ANKIB1: variants seen among roughly 807,000 people sequenced by gnomAD.
ANKIB1 encodes ankyrin repeat and IBR domain containing 1, also known as ankyrin repeat and IBR domain-containing protein 1.
A neutral mutation model predicts 122.1 loss-of-function variants in ANKIB1; 43 were observed. The ratio of observed to expected loss-of-function variants is 0.35; its 90% CI spans 0.28 to 0.45. ANKIB1 has a LOEUF of 0.45. Among genes scored for constraint, ANKIB1 ranks in the 20% least tolerant of loss-of-function variants. ANKIB1 has a pLI of 1.00. For synonymous variants in ANKIB1, 390 were observed against 442.0 expected (o/e 0.88, Z 1.48); for missense variants, 992 against 1,329.5 (o/e 0.75, Z 3.95).
intron 1 of ANKIB1, among the ~76,000 whole-genome samples, chr7:92,249,871 C>CA (rs1491403911): frequency 6.6e-5 from 10 of 152,162 alleles, no homozygotes; most frequent in Admixed American, 5.9e-4. Context: ...TCTCCCCCCC[C>CA]ACACGCGAAT....
rs183790002 is a variant in ANKIB1 at position 92,330,241 on chromosome 7, A to G, written c.787+2341A>G. Among the ~76,000 whole-genome samples the G allele has an allele frequency of 3.7e-3, 560 of 152,312 alleles. 1 individual carries two copies. Among genetic ancestry groups the G allele is most frequent in the Non-Finnish European group, 5.8e-3 (392 of 68,036 alleles). On this transcript the variant is annotated intron_variant, in intron 5 of 19. Coordinates refer to ENST00000265742, the MANE Select transcript of ANKIB1 (RefSeq NM_019004.2). ...AATGGAATATTACAATATTGTAATT[A>G]CAATCTCTTTATTTGCTTCTTTTCC...
In ANKIB1 at chr7:92,372,549, T is replaced by C. The variant is rs368365559; in HGVS notation, c.1617+942T>C. Among the ~76,000 whole-genome samples the C allele has an allele frequency of 3.2e-4, 48 of 152,256 alleles. 1 individual carries two copies. The highest frequency in any genetic ancestry group is 9.9e-4 in the African/African-American group (41 of 41,554). ...AGACTTTAGGTCTGCTAATAAAACC[T>C]TCAATTAAATAAGTAACTGTTTATT... is the stretch of plus-strand genomic sequence containing the variant. On this transcript the variant is annotated intron_variant, in intron 11 of 19. Coordinates refer to ENST00000265742, the MANE Select transcript of ANKIB1 (RefSeq NM_019004.2).
At chr7:92,386,452 GA>G in intron 11 of ANKIB1, 56 bp from the exon 12 acceptor site, 1 of 1,488,486 alleles carries the variant, frequency 6.7e-7, no homozygotes, top group Non-Finnish European at 8.9e-7. Context: ...CTATAAAGCA[GA>G]AAATAATTTG....
At chr7:92,288,804 G>A (rs975011021) in intron 1 of ANKIB1, among the ~76,000 whole-genome samples, 2 of 151,682 alleles carry the variant, frequency 1.3e-5, no homozygotes, top group Non-Finnish European at 2.9e-5. Flanking sequence ...AATGAAAACC[G>A]TTGTACAATA....
chr7:92,353,733 T>C (rs1438853760), intron 9 of ANKIB1, among the ~76,000 whole-genome samples: 3 of 152,224 alleles, frequency 2.0e-5, no homozygotes, highest in Non-Finnish European at 1.5e-5. Flanking sequence ...TGTCTATACT[T>C]ATTATTAAAC....
chr7:92,259,213 T>A lies in ANKIB1; in HGVS notation c.-91+12694T>A, dbSNP rs1801510897. 2.0e-5 allele frequency among the ~76,000 whole-genome samples: 3 copies of A among 152,042 alleles called. 1 individual carries two copies. The highest frequency in any genetic ancestry group is 4.4e-5 in the Non-Finnish European group (3 of 67,994). Reference sequence around the variant, plus strand: ...TCAAGTGAGCCACCTGCCTCAGCCTTCCAAAGTGCTGGGATTACAGGCGTG... The same window carrying A: ...TCAAGTGAGCCACCTGCCTCAGCCTACCAAAGTGCTGGGATTACAGGCGTG... On this transcript the variant is annotated intron_variant, in intron 1 of 19. Transcript: ENST00000265742.
intron 5 of ANKIB1, among the ~76,000 whole-genome samples, chr7:92,335,788 G>C (rs545550149): frequency 2.8e-4 from 43 of 151,786 alleles, no homozygotes; most frequent in Non-Finnish European, 4.3e-4. Context: ...GTTGGATTTA[G>C]GTCTTCCATT....
At chr7:92,344,193 GTTTTTT>G (rs67933063) in intron 6 of ANKIB1, among the ~76,000 whole-genome samples, 4 of 97,676 alleles carry the variant, frequency 4.1e-5, no homozygotes, top group South Asian at 3.5e-4. Context: ...TGTGTTTTTG[GTTTTTT>G]TTTTTTTTTT....
At chr7:92,303,707 A>G (rs1026659742) in intron 2 of ANKIB1, among the ~76,000 whole-genome samples, 1 of 152,190 alleles carries the variant, frequency 6.6e-6, no homozygotes, top group Non-Finnish European at 1.5e-5. Flanking sequence ...GGTAATAGAA[A>G]GGTCAGGAGG....
chr7:92,293,169 A>G (rs1034013392), intron 1 of ANKIB1, among the ~76,000 whole-genome samples: 11 of 152,132 alleles, frequency 7.2e-5, no homozygotes, highest in Non-Finnish European at 2.9e-5. Flanking sequence ...TGAAAATCAC[A>G]TAAGGAGCTT....
At chr7:92,366,597 T>C (rs950752282) in intron 10 of ANKIB1, among the ~76,000 whole-genome samples, 1 of 152,202 alleles carries the variant, frequency 6.6e-6, no homozygotes, top group Admixed American at 6.5e-5. Flanking sequence ...CAGTCTTTTG[T>C]CTCCTATCAT....
chr7:92,358,605 T>TTC (rs1554345741), intron 9 of ANKIB1, among the ~76,000 whole-genome samples: 18 of 150,924 alleles, frequency 1.2e-4, no homozygotes, highest in Non-Finnish European at 2.1e-4. Context: ...TTTTTTTTTT[T>TTC]CCCAGAACAT....
At chr7:92,289,641 G>A (rs1802206224) in intron 1 of ANKIB1, among the ~76,000 whole-genome samples, 1 of 152,206 alleles carries the variant, frequency 6.6e-6, no homozygotes, top group Non-Finnish European at 1.5e-5. Flanking sequence ...CTTAAGACCA[G>A]TTGAAATCAT....
intron 1 of ANKIB1, among the ~76,000 whole-genome samples, chr7:92,291,982 A>C (rs1802260115): frequency 6.6e-6 from 1 of 152,218 alleles, no homozygotes; most frequent in African/African-American, 2.4e-5. Context: ...TTAGAAGCCC[A>C]AAATAAGGAA....
At chr7:92,291,460 T>C (rs1054547360) in intron 1 of ANKIB1, among the ~76,000 whole-genome samples, 2 of 151,306 alleles carry the variant, frequency 1.3e-5, no homozygotes, top group African/African-American at 4.9e-5. Flanking sequence ...TCCACAAAAG[T>C]AAAAATTTTA....
chr7:92,257,496 A>C (rs1167599149), intron 1 of ANKIB1, among the ~76,000 whole-genome samples: 1 of 152,192 alleles, frequency 6.6e-6, no homozygotes, highest in African/African-American at 2.4e-5. Context: ...CAATTATAAA[A>C]ATAAAGATTA....
chr7:92,291,257 C>A lies in ANKIB1; in HGVS notation c.-90-3632C>A, dbSNP rs547907322. 2.0e-5 allele frequency among the ~76,000 whole-genome samples: 3 copies of A among 151,264 alleles called. No homozygotes were observed. In the South Asian group the frequency reaches 6.3e-4, roughly 32 times the overall value. ...TGCAGTGAGCTGAGATCATATTGCT[C>A]CACTCCAATTTGGGCAACAGAGCGA... is the stretch of plus-strand genomic sequence containing the variant. On this transcript the variant is annotated intron_variant, in intron 1 of 19. Coordinates refer to ENST00000265742, the MANE Select transcript of ANKIB1 (RefSeq NM_019004.2).
chr7:92,311,948 G>A (rs1802699604), intron 3 of ANKIB1, among the ~76,000 whole-genome samples: 1 of 152,044 alleles, frequency 6.6e-6, no homozygotes, highest in South Asian at 2.1e-4. Context: ...TTTCAAAATT[G>A]TACTGTCTTC....
rs190898077 is a variant in ANKIB1 at position 92,311,724 on chromosome 7, C to A, written c.486+4068C>A. On this transcript the variant is annotated intron_variant, in intron 3 of 19. Coordinates refer to ENST00000265742, the MANE Select transcript of ANKIB1 (RefSeq NM_019004.2). ...TTATGTTCTGTAATAAGCGCCCCCCCCACACACACACACACAGAACATAAA... is the reference window on the plus strand; with the variant it reads ...TTATGTTCTGTAATAAGCGCCCCCCACACACACACACACACAGAACATAAA... 4.3e-4 allele frequency among the ~76,000 whole-genome samples: 64 copies of A among 150,094 alleles called. 1 individual carries two copies. The highest frequency in any genetic ancestry group is 3.5e-3 in the Middle Eastern group (1 of 288).
Sources: gnomAD v4.1 joint callset for allele counts (sites outside exome capture counted in the v4.1 genomes callset) on GRCh38, gnomAD v4.1.1 for gene constraint, MANE v1.5 for transcripts, NCBI Gene and HGNC (gene_info 2026-07-23, HGNC 2026-07-21) for gene names.